GRIA2: variants seen among roughly 807,000 people sequenced by gnomAD.
The protein encoded by GRIA2 is glutamate receptor 2.
In GRIA2, 14 loss-of-function variants were observed where a neutral mutation model predicts 97.3. The observed-to-expected ratio is 0.14, with a 90% CI of 0.10 to 0.23. The LOEUF (loss-of-function observed/expected upper bound fraction) is 0.23, where lower values mean the gene tolerates loss of function less well. Ranked by LOEUF, GRIA2 falls within the 10% of genes least tolerant of loss-of-function variation. The pLI is 1.00. For synonymous variants in GRIA2, 412 were observed against 387.8 expected, an observed-to-expected ratio of 1.06 and a Z score of -0.73; for missense variants, 558 against 1,069.8, an observed-to-expected ratio of 0.52 and a Z score of 6.67.
chr4:157,298,582 A>G (rs951086433), intron 2 of GRIA2, among the ~76,000 whole-genome samples: 1 of 144,282 alleles, frequency 6.9e-6, no homozygotes, highest in East Asian at 2.1e-4. Context: ...GAACTGAGGG[A>G]CACTGGAAGG....
intron 2 of GRIA2, among the ~76,000 whole-genome samples, chr4:157,264,613 T>A (rs1179735822): frequency 6.6e-6 from 1 of 151,952 alleles, no homozygotes; most frequent in African/African-American, 2.4e-5. Flanking sequence ...TATTCACAGG[T>A]TTTGGGAATT....
intron 2 of GRIA2, among the ~76,000 whole-genome samples, chr4:157,273,640 T>C (rs1478402479): frequency 6.6e-6 from 1 of 151,934 alleles, no homozygotes; most frequent in African/African-American, 2.4e-5. Flanking sequence ...GGAAAGAATA[T>C]CTGAACTTAA....
chr4:157,277,548 T>C (rs1300599486), intron 2 of GRIA2, among the ~76,000 whole-genome samples: 1 of 151,614 alleles, frequency 6.6e-6, no homozygotes, highest in Non-Finnish European at 1.5e-5. Flanking sequence ...ATACAAGAAA[T>C]GGAAATTAAG....
intron 2 of GRIA2, among the ~76,000 whole-genome samples, chr4:157,281,343 T>C (rs914730468): frequency 6.6e-6 from 1 of 152,130 alleles, no homozygotes; most frequent in African/African-American, 2.4e-5. Flanking sequence ...GGTACTCGGA[T>C]CTGTCATTTC....
chr4:157,322,015 TG>T (rs567559348), intron 6 of GRIA2, among the ~76,000 whole-genome samples: 94 of 152,002 alleles, frequency 6.2e-4, no homozygotes, highest in Admixed American at 1.7e-3. Flanking sequence ...CTTAGCGACA[TG>T]GAGGGGGTAG....
At chr4:157,334,912 G>C (rs543494375) in intron 9 of GRIA2, 1 of 152,120 alleles carries the variant, frequency 6.6e-6, no homozygotes, top group East Asian at 1.9e-4. Flanking sequence ...AAAATCTCTT[G>C]ATAAGTGCAA....
chr4:157,254,009 C>T (rs1434826568), intron 2 of GRIA2, among the ~76,000 whole-genome samples: 3 of 151,534 alleles, frequency 2.0e-5, no homozygotes, highest in Admixed American at 6.6e-5. Context: ...AGTACACGCA[C>T]ACACACATAC....
At chr4:157,272,013 C>T (rs186069987) in intron 2 of GRIA2, among the ~76,000 whole-genome samples, 126 of 152,156 alleles carry the variant, frequency 8.3e-4, no homozygotes, top group Admixed American at 3.3e-3. Context: ...AAAGTAAACA[C>T]GCATAGATTA....
intron 12 of GRIA2, among the ~76,000 whole-genome samples, chr4:157,350,805 C>T (rs1330771755): frequency 6.6e-6 from 1 of 151,964 alleles, no homozygotes; most frequent in Non-Finnish European, 1.5e-5. Flanking sequence ...TTGAAGTTTA[C>T]TGAAAACCTG....
intron 2 of GRIA2, among the ~76,000 whole-genome samples, chr4:157,302,240 G>C (rs1159352942): frequency 6.6e-6 from 1 of 151,854 alleles, no homozygotes; most frequent in Non-Finnish European, 1.5e-5. Context: ...CTGTTCTGCG[G>C]ATCGTCAGTG....
chr4:157,243,459 A>G (rs544301151), intron 2 of GRIA2, among the ~76,000 whole-genome samples: 1 of 152,244 alleles, frequency 6.6e-6, no homozygotes, highest in Admixed American at 6.5e-5. Context: ...GGGGAAATGA[A>G]CACGCTTATT....
upstream of GRIA2, chr4:157,220,525 T>C (rs28545562): frequency 0.069 from 10,537 of 151,956 alleles, 701 homozygotes; most frequent in African/African-American, 0.18. Context: ...GCGTCCACGG[T>C]GGTGCGGGGT....
chr4:157,234,598 G>T (rs1730162476), intron 2 of GRIA2, among the ~76,000 whole-genome samples: 1 of 152,034 alleles, frequency 6.6e-6, no homozygotes, highest in Admixed American at 6.6e-5. Flanking sequence ...TGATACATTT[G>T]TGCAATAAAA....
At chr4:157,273,153 A>T (rs1407503845) in intron 2 of GRIA2, among the ~76,000 whole-genome samples, 3 of 152,062 alleles carry the variant, frequency 2.0e-5, no homozygotes, top group African/African-American at 7.2e-5. Context: ...TAACCTAGAG[A>T]TTATTTAAAG....
chr4:157,351,137 G>A (rs1199908124), intron 12 of GRIA2, among the ~76,000 whole-genome samples: 1 of 151,966 alleles, frequency 6.6e-6, no homozygotes, highest in Non-Finnish European at 1.5e-5. Context: ...ATTTGTATAT[G>A]AAGAAATAAT....
At chr4:157,227,292 T>C (rs904723283) in intron 2 of GRIA2, among the ~76,000 whole-genome samples, 2 of 152,170 alleles carry the variant, frequency 1.3e-5, no homozygotes, top group Non-Finnish European at 2.9e-5. Flanking sequence ...TGCTGATTCA[T>C]GCCCAGATCT....
At chr4:157,301,261 G>A (rs984720933) in intron 2 of GRIA2, among the ~76,000 whole-genome samples, 5 of 152,184 alleles carry the variant, frequency 3.3e-5, no homozygotes, top group African/African-American at 1.2e-4. Flanking sequence ...TTTCCTAGGT[G>A]AGATGAAAGC....
intron 2 of GRIA2, among the ~76,000 whole-genome samples, chr4:157,260,051 G>A (rs1469294565): frequency 6.6e-6 from 1 of 151,780 alleles, no homozygotes; most frequent in East Asian, 1.9e-4. Context: ...CTTTTTTCTT[G>A]TAAAGACAAT....
At chr4:157,352,969 G>C (rs1736080890) in intron 12 of GRIA2, among the ~76,000 whole-genome samples, 1 of 152,104 alleles carries the variant, frequency 6.6e-6, no homozygotes, top group African/African-American at 2.4e-5. Flanking sequence ...TGAGGCAGGA[G>C]AATTACTTGA....
Sources: gnomAD v4.1 joint callset for allele counts (sites outside exome capture counted in the v4.1 genomes callset) on GRCh38, gnomAD v4.1.1 for gene constraint, MANE v1.5 for transcripts, NCBI Gene and HGNC (gene_info 2026-07-23, HGNC 2026-07-21) for gene names.